The following REST variants were observed in gnomAD, a reference collection of about 807,000 sequenced individuals.
The protein encoded by REST is RE1 silencing transcription factor, also known as RE1-silencing transcription factor.
Under a neutral mutation model 30.4 loss-of-function variants are expected in REST, and 1 was observed. The observed-to-expected ratio is 0.03, with a 90% CI of 0.01 to 0.16. REST has a LOEUF of 0.16. REST is among the 10% of genes least tolerant of loss of function. The probability of loss-of-function intolerance (pLI) is 1.00; values close to 1 mark genes in which losing one functional copy is unlikely to be tolerated. For synonymous variants in REST, 504 were observed against 451.1 expected, an observed-to-expected ratio of 1.12 and a Z score of -1.49; for missense variants, 1,259 against 1,329.5, an observed-to-expected ratio of 0.95 and a Z score of 0.82.
In REST at chr4:56,931,025, G is replaced by A; in HGVS notation, c.2167G>A (p.Val723Met). ...VAQVESAPMQVVQKEPVQMEL... is the reference protein window; with the variant it reads ...VAQVESAPMQMVQKEPVQMEL... ...CCAGGTAGAATCTGCTCCCATGCAGGTGGTCCAGAAGGAGCCTGTTCAGAT... is the reference window on the plus strand; with the variant it reads ...CCAGGTAGAATCTGCTCCCATGCAGATGGTCCAGAAGGAGCCTGTTCAGAT... Residue 723 changes from valine (V) to methionine (M), a missense_variant, in exon 4 of 4, where the codon GTG becomes ATG. Physicochemically the swap from Val to Met is conservative, Grantham distance 21 (BLOSUM62 1). Around this residue, in one of 5 missense-constraint regions of REST, gnomAD observed 856 missense variants for 772.8 expected, o/e 1.11. Transcript: ENST00000309042. The A allele has an allele frequency of 6.2e-7, 1 of 1,614,202 alleles. No individual in the cohort carries two copies. The highest frequency in any genetic ancestry group is 2.2e-5 in the East Asian group (1 of 44,876).
rs1242064483 is a variant in REST at position 56,935,415 on chromosome 4, A to G, written c.*3263A>G. 2 of 152,096 alleles carry G rather than the reference A, an allele frequency of 1.3e-5. No homozygotes were observed. Among genetic ancestry groups the G allele is most frequent in the East Asian group, 3.9e-4 (2 of 5,184 alleles). 9.4% of individuals were successfully genotyped at this position (152,096 alleles called of 1,614,324 possible). ...CTTGGTTTGTGTAGATTTACAATCT[A>G]CATGCAATATTAACTAAATCAGATA... On this transcript the variant is annotated 3_prime_UTR_variant, in exon 4 of 4. Coordinates refer to ENST00000309042, the MANE Select transcript of REST (RefSeq NM_005612.5).
rs150412877 is a variant in REST, at chr4:56,910,940, G to A, written c.302G>A (p.Gly101Asp). The change falls in exon 2 of 4, where the codon GGT becomes GAT. Residue 101 changes from glycine to aspartate, a missense_variant. Physicochemically the swap from Gly to Asp is moderately conservative, Grantham distance 94. This residue lies in a region of REST where 249 missense variants were observed against 251.5 expected (regional missense o/e 0.99). Coordinates refer to ENST00000309042, the MANE Select transcript of REST (RefSeq NM_005612.5). ...EGLEESADIK[G>D]EPHGLENMEL... ...CTTGAAGAGTCTGCTGATATAAAAG[G>A]TGAACCTCATGGACTGGAAAACATG... 247 of 1,614,086 alleles carry A rather than the reference G, an allele frequency of 1.5e-4. 1 individual carries two copies. Among genetic ancestry groups the A allele is most frequent in the Non-Finnish European group, 1.8e-4 (216 of 1,180,046 alleles).
intron 2 of REST, among the ~76,000 whole-genome samples, chr4:56,919,362 C>G (rs1447867070): frequency 6.6e-6 from 1 of 151,824 alleles, no homozygotes; most frequent in Non-Finnish European, 1.5e-5. Flanking sequence ...GTAGTAGATT[C>G]ATCATTTACA....
chr4:56,922,278 AT>A, intron 3 of REST: 1 of 113,404 alleles, frequency 8.8e-6, no homozygotes, highest in Non-Finnish European at 1.9e-5. Context: ...AGAGCTTTGT[AT>A]TATTATTATT....
chr4:56,919,070 A>T (rs1720333134), intron 2 of REST, among the ~76,000 whole-genome samples: 2 of 150,834 alleles, frequency 1.3e-5, no homozygotes, highest in African/African-American at 4.9e-5. Flanking sequence ...TGCCCGGCTA[A>T]TTTTTTTTGT....
chr4:56,932,195 A>G lies in REST; in HGVS notation c.*43A>G, dbSNP rs1250506393. ...TTTCAGTTCTTAGTTTGTAAGGTAT[A>G]TTACATTTTATATTCATTTATGATA... On this transcript the variant is annotated 3_prime_UTR_variant, in exon 4 of 4. Coordinates refer to ENST00000309042, the MANE Select transcript of REST (RefSeq NM_005612.5). 1 of 1,524,700 alleles carries G rather than the reference A, an allele frequency of 6.6e-7. No homozygotes were observed. The highest frequency in any genetic ancestry group is 8.8e-7 in the Non-Finnish European group (1 of 1,134,586). 94.4% of individuals were successfully genotyped at this position (1,524,700 alleles called of 1,614,324 possible). A position where few individuals can be genotyped will look rare whatever the true frequency, so the allele number is the denominator to read the frequency against.
At chr4:56,926,290 G>A (rs985283248) in intron 3 of REST, among the ~76,000 whole-genome samples, 1 of 151,962 alleles carries the variant, frequency 6.6e-6, no homozygotes, top group Non-Finnish European at 1.5e-5. Context: ...CCGGCTCCTG[G>A]TCTCCAACTC....
In REST at chr4:56,911,352, C is replaced by T; in HGVS notation, c.714C>T (p.His238=). ...YDHYTAHLKH[H]TRAGDNERVY... ...ACTATACAGCACACCTGAAACACCA[C>T]ACCAGAGCTGGGGATAATGAGCGAG... Residue 238 remains histidine, a synonymous_variant, in exon 2 of 4, where the codon CAC becomes CAT. Coordinates refer to ENST00000309042, the MANE Select transcript of REST (RefSeq NM_005612.5). 2 of 1,614,216 alleles carry T rather than the reference C, an allele frequency of 1.2e-6. No homozygotes were observed. The highest frequency in any genetic ancestry group is 1.7e-6 in the Non-Finnish European group (2 of 1,180,048).
At chr4:56,927,027 C>T (rs1027832015) in intron 3 of REST, among the ~76,000 whole-genome samples, 3 of 150,812 alleles carry the variant, frequency 2.0e-5, no homozygotes, top group South Asian at 2.1e-4. Context: ...ACCTGGGAGG[C>T]GGGGGTTGCA....
rs563872267 is a variant in REST at position 56,910,467 on chromosome 4, C to CA, written c.-9-161dup. Among the ~76,000 whole-genome samples the CA allele has an allele frequency of 6.6e-4, 101 of 152,236 alleles. 1 individual carries two copies. Among genetic ancestry groups the CA allele is most frequent in the Non-Finnish European group, 1.2e-3 (84 of 68,022 alleles). On this transcript the variant is annotated intron_variant, in intron 1 of 3. Transcript: ENST00000309042. ...ATTGCAGTAGACTATTGGGAATTAACAACTATTTTAAAGATTTGTTTTTAA... is the reference window on the plus strand; with the variant it reads ...ATTGCAGTAGACTATTGGGAATTAACAAACTATTTTAAAGATTTGTTTTTAA...
chr4:56,929,126 A>G (rs908986100), intron 3 of REST, among the ~76,000 whole-genome samples: 2 of 147,056 alleles, frequency 1.4e-5, no homozygotes, highest in Admixed American at 1.4e-4. Flanking sequence ...GGAGTGAAGT[A>G]GTGCGATCTC....
chr4:56,916,917 T>C (rs1440607113), intron 2 of REST, among the ~76,000 whole-genome samples: 3 of 152,208 alleles, frequency 2.0e-5, no homozygotes, highest in Admixed American at 6.5e-5. Context: ...AGTAGCAACA[T>C]TTTGGGTAAT....
chr4:56,909,074 A>G (rs1339021584), intron 1 of REST: 3 of 152,060 alleles, frequency 2.0e-5, no homozygotes, highest in Non-Finnish European at 4.4e-5. Flanking sequence ...CGGGGGCCCT[A>G]GGGCTGGGGA....
At position 56,919,793 on chromosome 4, in the gene REST, G is replaced by A; in HGVS notation, c.905G>A (p.Arg302His). 6.2e-7 allele frequency: 1 copy of A among 1,600,168 alleles called. No homozygotes were observed. The highest frequency in any genetic ancestry group is 8.5e-7 in the Non-Finnish European group (1 of 1,169,720). The part of the protein sequence containing the change: ...VQHVRTHTGE[R>H]PYKCELCPYS... Reference sequence around the variant, plus strand: ...TATTATTGAAATTTTGCAGGAGAACGCCCATATAAATGTGAACTTTGTCCT... The same window carrying A: ...TATTATTGAAATTTTGCAGGAGAACACCCATATAAATGTGAACTTTGTCCT... Residue 302 changes from arginine (R) to histidine (H), a missense_variant, in exon 3 of 4, where the codon CGC (arginine) becomes CAC (histidine). Arg to His is a conservative substitution (Grantham distance 29). Transcript: ENST00000309042.
At chr4:56,916,340 T>G (rs1376962837) in intron 2 of REST, among the ~76,000 whole-genome samples, 6 of 152,328 alleles carry the variant, frequency 3.9e-5, no homozygotes, top group African/African-American at 1.4e-4. Flanking sequence ...TTTGTGGAAT[T>G]ACACAGATAA....
intron 3 of REST, among the ~76,000 whole-genome samples, chr4:56,923,831 C>T (rs964648437): frequency 6.6e-6 from 1 of 152,080 alleles, no homozygotes; most frequent in East Asian, 1.9e-4. Context: ...AAGCGATTCT[C>T]CTGCCTCAGC....
intron 2 of REST, among the ~76,000 whole-genome samples, chr4:56,911,790 C>CT (rs1468590365): frequency 6.6e-6 from 1 of 152,194 alleles, no homozygotes; most frequent in African/African-American, 2.4e-5. Flanking sequence ...TTACCGTGGT[C>CT]TTACTAAAGT....
At chr4:56,917,673 G>A (rs1490207656) in intron 2 of REST, among the ~76,000 whole-genome samples, 1 of 152,140 alleles carries the variant, frequency 6.6e-6, no homozygotes, top group African/African-American at 2.4e-5. Flanking sequence ...TTACAGATGG[G>A]GAAACGGTGT....
At chr4:56,909,370 A>C (rs1055000730) in intron 1 of REST, 3 of 152,274 alleles carry the variant, frequency 2.0e-5, no homozygotes, top group African/African-American at 7.2e-5. Context: ...TGGTGGCAGC[A>C]GCACGGAGGA....
Sources: gnomAD v4.1 joint callset for allele counts (sites outside exome capture counted in the v4.1 genomes callset) on GRCh38, gnomAD v4.1.1 for gene constraint, gnomAD v4.1.1 regional missense constraint, MANE v1.5 for transcripts, NCBI Gene and HGNC (gene_info 2026-07-23, HGNC 2026-07-21) for gene names.